The following SUGCT variants were observed in gnomAD, a reference collection of about 807,000 sequenced individuals.
The protein encoded by SUGCT is succinyl-CoA:glutarate CoA-transferase.
SUGCT carries 41 observed loss-of-function variants against 55.0 expected under a neutral mutation model. The ratio of observed to expected loss-of-function variants is 0.74; its 90% CI spans 0.58 to 0.97. The LOEUF (loss-of-function observed/expected upper bound fraction) is 0.97, where lower values mean the gene tolerates loss of function less well. SUGCT is among the 50% of genes least tolerant of loss of function. SUGCT has a pLI of 0.00. For missense variants in SUGCT, 568 were observed against 547.8 expected (o/e 1.04, Z -0.37); for synonymous variants, 187 against 200.4 (o/e 0.93, Z 0.56).
chr7:40,460,145 T>C (rs1412549030), intron 11 of SUGCT, among the ~76,000 whole-genome samples: 1 of 152,224 alleles, frequency 6.6e-6, no homozygotes. Flanking sequence ...TCTTTGTATT[T>C]GGGGATGTCT....
At chr7:40,934,733 A>T in the SUGCT span, among the ~76,000 whole-genome samples, 1 of 152,214 alleles carries the variant, frequency 6.6e-6, no homozygotes, top group Non-Finnish European at 1.5e-5. Context: ...CCATGGGTGT[A>T]GGACCCGCCA....
At chr7:40,188,288 G>C (rs1489969503) in intron 3 of SUGCT, among the ~76,000 whole-genome samples, 1 of 151,924 alleles carries the variant, frequency 6.6e-6, no homozygotes, top group East Asian at 1.9e-4. Flanking sequence ...ACAAAAATTA[G>C]CCAGGTATGG....
chr7:40,652,276 G>C (rs1456589868), intron 12 of SUGCT, among the ~76,000 whole-genome samples: 1 of 152,112 alleles, frequency 6.6e-6, no homozygotes, highest in African/African-American at 2.4e-5. Flanking sequence ...CATGTGGAGG[G>C]CAGATTCATT....
intron 11 of SUGCT, among the ~76,000 whole-genome samples, chr7:40,469,699 T>G (rs16880235): frequency 0.31 from 45,491 of 146,168 alleles, 9,283 homozygotes; most frequent in African/African-American, 0.59. Context: ...AGTGAGTCAG[T>G]ATGGAATGGA....
chr7:40,379,418 G>C (rs1031791915), intron 9 of SUGCT, among the ~76,000 whole-genome samples: 1 of 152,122 alleles, frequency 6.6e-6, no homozygotes, highest in African/African-American at 2.4e-5. Context: ...AGGCCTATAA[G>C]TTTTTAATAT....
At chr7:40,450,404 A>G (rs1438748481) in intron 10 of SUGCT, among the ~76,000 whole-genome samples, 1 of 146,700 alleles carries the variant, frequency 6.8e-6, no homozygotes, top group Non-Finnish European at 1.5e-5. Context: ...CCTGTTAAGG[A>G]TTTTTTTCTT....
At chr7:40,728,104 G>A (rs1303010007) in intron 12 of SUGCT, among the ~76,000 whole-genome samples, 1 of 152,078 alleles carries the variant, frequency 6.6e-6, no homozygotes, top group Non-Finnish European at 1.5e-5. Flanking sequence ...TAGTCAAAGA[G>A]TATTTATAAA....
chr7:40,649,667 C>T (rs543184609), intron 12 of SUGCT, among the ~76,000 whole-genome samples: 1 of 152,192 alleles, frequency 6.6e-6, no homozygotes. Context: ...CTGTGTAGTA[C>T]ATAGAGACAT....
intron 13 of SUGCT, among the ~76,000 whole-genome samples, chr7:40,785,861 G>T (rs532629258): frequency 1.3e-3 from 193 of 152,244 alleles, no homozygotes; most frequent in African/African-American, 4.5e-3. Flanking sequence ...GCCAAAGTGG[G>T]AGGATCACTT....
intron 1 of SUGCT, among the ~76,000 whole-genome samples, chr7:40,178,976 G>A (rs915890209): frequency 6.6e-6 from 1 of 151,386 alleles, no homozygotes; most frequent in Non-Finnish European, 1.5e-5. Context: ...TTCTTATCTC[G>A]ATCTTTCTGC....
intron 13 of SUGCT, among the ~76,000 whole-genome samples, chr7:40,822,949 G>C (rs1284852626): frequency 6.6e-6 from 1 of 152,128 alleles, no homozygotes; most frequent in Non-Finnish European, 1.5e-5. Context: ...ATTCCGAAGG[G>C]ATAGGTTATA....
At chr7:40,829,463 A>G (rs191104255) in intron 13 of SUGCT, among the ~76,000 whole-genome samples, 4 of 152,334 alleles carry the variant, frequency 2.6e-5, no homozygotes, top group African/African-American at 4.8e-5. Context: ...CCTGCCATCA[A>G]TTGCAAAGTG....
At chr7:41,001,699 T>C in the SUGCT span, among the ~76,000 whole-genome samples, 1 of 152,172 alleles carries the variant, frequency 6.6e-6, no homozygotes. Flanking sequence ...TTTTTCTTTA[T>C]AAGGGCACTA....
intron 7 of SUGCT, among the ~76,000 whole-genome samples, chr7:40,260,113 G>A (rs73316562): frequency 0.023 from 3,494 of 152,286 alleles, 121 homozygotes; most frequent in African/African-American, 0.08. Flanking sequence ...AATGCCAATA[G>A]TGCTTCCATT....
intron 9 of SUGCT, among the ~76,000 whole-genome samples, chr7:40,327,271 C>A (rs1207950738): frequency 4.3e-3 from 2 of 468 alleles, no homozygotes; most frequent in Non-Finnish European, 0.015. Context: ...TTTGAAGATC[C>A]TGGTTAAATT....
At chr7:40,814,535 T>TA (rs1791578601) in intron 13 of SUGCT, among the ~76,000 whole-genome samples, 1 of 151,994 alleles carries the variant, frequency 6.6e-6, no homozygotes, top group Non-Finnish European at 1.5e-5. Context: ...AGTGAGGTTT[T>TA]AAATTCCAGA....
At chr7:40,855,025 T>TA (rs5883745) in intron 13 of SUGCT, among the ~76,000 whole-genome samples, 73 of 144,560 alleles carry the variant, frequency 5.0e-4, no homozygotes, top group Middle Eastern at 7.0e-3. Flanking sequence ...TTTTATTCTT[T>TA]AAAAAAAAAA....
In SUGCT at chr7:40,557,297, G is replaced by A. The variant is rs572360374; in HGVS notation, c.1089+60911G>A. On this transcript the variant is annotated intron_variant, in intron 12 of 13. Coordinates refer to ENST00000335693, the MANE Select transcript of SUGCT (RefSeq NM_001193313.2). Reference sequence around the variant, plus strand: ...GAAAACTGGATCTCCACATGCAAAAGCATGAAATTGTATCCTATCTTGAGA... The same window carrying A: ...GAAAACTGGATCTCCACATGCAAAAACATGAAATTGTATCCTATCTTGAGA... Among the ~76,000 whole-genome samples, 28 of 152,260 alleles carry A rather than the reference G, an allele frequency of 1.8e-4. No individual in the cohort carries two copies. In the South Asian group the frequency reaches 5.2e-3, roughly 28 times the overall value.
the SUGCT span, among the ~76,000 whole-genome samples, chr7:40,925,986 TAGG>T: frequency 2.6e-5 from 4 of 151,804 alleles, no homozygotes; most frequent in Non-Finnish European, 5.9e-5. Context: ...CCTAGCTACT[TAGG>T]AGGCCAAGGT....
Sources: allele counts gnomAD v4.1 joint callset (sites outside exome capture counted in the v4.1 genomes callset), GRCh38; gene constraint gnomAD v4.1.1; transcripts MANE v1.5; gene names NCBI Gene and HGNC (gene_info 2026-07-23, HGNC 2026-07-21).